The following WWP1 variants were observed in gnomAD, a reference collection of about 807,000 sequenced individuals.
WWP1 encodes WW domain containing E3 ubiquitin protein ligase 1.
In WWP1, 49 loss-of-function variants were observed where a neutral mutation model predicts 130.6. That is an observed-to-expected ratio of 0.38 (90% confidence interval 0.30 to 0.48). The LOEUF is 0.48. Ranked by LOEUF, WWP1 falls within the 20% of genes least tolerant of loss-of-function variation. The probability of loss-of-function intolerance (pLI) is 0.99; values close to 1 mark genes in which losing one functional copy is unlikely to be tolerated. For missense variants in WWP1, 809 were observed against 1,100.6 expected, an observed-to-expected ratio of 0.74 and a Z score of 3.75; for synonymous variants, 332 against 367.8, an observed-to-expected ratio of 0.90 and a Z score of 1.11.
intron 11 of WWP1, among the ~76,000 whole-genome samples, chr8:86,428,402 A>G (rs1406786678): frequency 6.6e-6 from 1 of 152,244 alleles, no homozygotes. Context: ...AACTCCTCTG[A>G]TAAATGGTGT....
At chr8:86,362,047 C>CACACATATATACACACATATATAT (rs1240846740) in intron 1 of WWP1, among the ~76,000 whole-genome samples, 2 of 90,914 alleles carry the variant, frequency 2.2e-5, no homozygotes, top group Non-Finnish European at 2.3e-5. Flanking sequence ...CATATATATA[C>CACACATATATACACACATATATAT]ACACATATAT....
At chr8:86,465,581 C>G (rs1034317570) in intron 24 of WWP1, among the ~76,000 whole-genome samples, 3 of 151,922 alleles carry the variant, frequency 2.0e-5, no homozygotes, top group African/African-American at 7.3e-5. Flanking sequence ...CGCAGTGAGC[C>G]GAGACAGTAG....
At chr8:86,352,724 C>A (rs1823011023) in intron 1 of WWP1, among the ~76,000 whole-genome samples, 1 of 152,144 alleles carries the variant, frequency 6.6e-6, no homozygotes, top group Non-Finnish European at 1.5e-5. Flanking sequence ...AGCTTAACAT[C>A]TGAACCTTCC....
chr8:86,389,720 A>T (rs911007446), intron 5 of WWP1, among the ~76,000 whole-genome samples: 2 of 151,826 alleles, frequency 1.3e-5, no homozygotes, highest in African/African-American at 4.8e-5. Flanking sequence ...CTCACTTCCC[A>T]GACGGGGCGG....
rs1809984578 is a variant in WWP1 at position 86,431,704 on chromosome 8, C to A, written c.1562C>A (p.Thr521Lys). ...VRYFVDHNTR[T>K]TTFKDPRNGK... ...TACTTTGTTGATCATAACACAAGAA[C>A]AACAACATTCAAAGATCCTCGCAAT... The change falls in exon 14 of 25, where the codon ACA (threonine) becomes AAA (lysine). Residue 521 changes from threonine (T) to lysine (K), a missense_variant. Transcript: ENST00000517970. The A allele has an allele frequency of 6.2e-7, 1 of 1,613,856 alleles. No homozygotes were observed. Among genetic ancestry groups the A allele is most frequent in the Non-Finnish European group, 8.5e-7 (1 of 1,179,888 alleles).
chr8:86,415,831 T>G (rs1045232066), intron 9 of WWP1, among the ~76,000 whole-genome samples: 41 of 152,202 alleles, frequency 2.7e-4, no homozygotes, highest in African/African-American at 9.9e-4. Flanking sequence ...ACACACAGTG[T>G]TATTATCTGT....
At chr8:86,364,142 TGAGAATGAAAA>T (rs1325483793) in intron 1 of WWP1, among the ~76,000 whole-genome samples, 4 of 152,204 alleles carry the variant, frequency 2.6e-5, no homozygotes, top group Non-Finnish European at 5.9e-5. Flanking sequence ...TTAGAATTAA[TGAGAATGAAAA>T]GAGAATTGAG....
Position 86,342,804 on chromosome 8 carries a change from TG to T in WWP1, c.-239del. The stretch of plus-strand genomic sequence containing the variant: ...TGGGCTGCCGGGGCCGACGCCTGGG[TG>T]GCTGCTGCCGCCGCGCCTGCTGCGA... On this transcript the variant is annotated 5_prime_UTR_variant, in exon 1 of 25. Transcript: ENST00000517970. 2.8e-6 allele frequency: 1 copy of T among 357,668 alleles called. No individual in the cohort carries two copies. 22.2% of individuals were successfully genotyped at this position (357,668 alleles called of 1,614,324 possible).
rs1182569609 is a variant in WWP1 at position 86,435,513 on chromosome 8, C to T, written c.1663C>T (p.Arg555Cys). 5 of 1,614,046 alleles carry T rather than the reference C, an allele frequency of 3.1e-6. No individual in the cohort carries two copies. Among genetic ancestry groups the T allele is most frequent in the Non-Finnish European group, 4.2e-6 (5 of 1,180,008 alleles). The change falls in exon 15 of 25, where the codon CGT becomes TGT. Residue 555 changes from arginine (R) to cysteine (C), a missense_variant. This residue lies in a region of WWP1 where 450 missense variants were observed against 674.2 expected (regional missense o/e 0.67). Transcript: ENST00000517970. ...CTTTAGGTGGAAGCTTGCTCACTTCCGTTATTTGTGCCAGGTACTATAGTG... is the reference window on the plus strand; with the variant it reads ...CTTTAGGTGGAAGCTTGCTCACTTCTGTTATTTGTGCCAGGTACTATAGTG... ...RGFRWKLAHF[R>C]YLCQSNALPS...
At chr8:86,425,465 C>T in intron 10 of WWP1, 147 bp downstream of exon 10, 1 of 571,592 alleles carries the variant, frequency 1.7e-6, no homozygotes, top group African/African-American at 1.9e-5. Flanking sequence ...AATGTTCAGT[C>T]AATGAGATTA....
intron 9 of WWP1, among the ~76,000 whole-genome samples, chr8:86,423,997 TCCC>T (rs1251996632): frequency 2.8e-4 from 16 of 57,238 alleles, no homozygotes; most frequent in Non-Finnish European, 4.8e-4. Flanking sequence ...GCCCCCCACC[TCCC>T]TCCCGGACGG....
intron 9 of WWP1, among the ~76,000 whole-genome samples, chr8:86,412,852 G>C (rs1345639256): frequency 6.6e-6 from 1 of 152,044 alleles, no homozygotes; most frequent in East Asian, 1.9e-4. Context: ...TTTTGGAGCA[G>C]AGTTTCATTC....
chr8:86,421,660 T>C (rs112867648), intron 9 of WWP1, among the ~76,000 whole-genome samples: 6,108 of 151,934 alleles, frequency 0.04, 176 homozygotes, highest in African/African-American at 0.069. Context: ...CCGTCTCTAC[T>C]AAAAATACAA....
intron 1 of WWP1, among the ~76,000 whole-genome samples, chr8:86,350,545 G>A (rs1822856473): frequency 6.6e-6 from 1 of 152,118 alleles, no homozygotes; most frequent in Non-Finnish European, 1.5e-5. Context: ...TTGGTAATTG[G>A]ATGTACTGAG....
Position 86,438,825 on chromosome 8 carries a change from A to G in WWP1, c.1838+152A>G, listed in dbSNP as rs200418398. On this transcript the variant is annotated intron_variant, in intron 17 of 24. Coordinates refer to ENST00000517970, the MANE Select transcript of WWP1 (RefSeq NM_007013.4). ...AAAAATACACACGGTAACCATTATTATTATTACTACTCTTGGTTATCTTTC... is the reference window on the plus strand; with the variant it reads ...AAAAATACACACGGTAACCATTATTGTTATTACTACTCTTGGTTATCTTTC... The G allele has an allele frequency of 1.6e-4, 90 of 569,292 alleles. No individual in the cohort carries two copies. The East Asian group carries it at 2.7e-3, about 17-fold the overall frequency. The allele number at this position is 569,292 out of a possible 1,614,324, so 35.3% of individuals were successfully genotyped here.
chr8:86,464,916 C>T (rs887401988), intron 24 of WWP1, among the ~76,000 whole-genome samples: 5 of 137,936 alleles, frequency 3.6e-5, no homozygotes, highest in Admixed American at 1.7e-4. Context: ...CACACATGCG[C>T]GCGCGTGTGT....
Position 86,468,287 on chromosome 8 carries a change from A to G in WWP1, c.*1394A>G. ...GTAATTATTGTTTTGCCAAAATTTT[A>G]TTTTTCTACATATTGAGAGTGTGTT... On this transcript the variant is annotated 3_prime_UTR_variant, in exon 25 of 25. Coordinates refer to ENST00000517970, the MANE Select transcript of WWP1 (RefSeq NM_007013.4). The G allele has an allele frequency of 2.5e-6, 1 of 403,072 alleles. No individual in the cohort carries two copies. Among genetic ancestry groups the G allele is most frequent in the Non-Finnish European group, 4.8e-6 (1 of 209,596 alleles). 25.0% of individuals were successfully genotyped at this position (403,072 alleles called of 1,614,324 possible).
chr8:86,383,640 G>T (rs1250468475), intron 5 of WWP1, among the ~76,000 whole-genome samples: 1 of 152,144 alleles, frequency 6.6e-6, no homozygotes, highest in Non-Finnish European at 1.5e-5. Context: ...TACTCAGGAG[G>T]CTGAGGCAGG....
At position 86,461,319 on chromosome 8, in the gene WWP1, G is replaced by A; in HGVS notation, c.2595G>A (p.Met865Ile). 6.2e-7 allele frequency: 1 copy of A among 1,612,866 alleles called. No homozygotes were observed. ...RLPLGGFAEL[M>I]GSNGPQKFCI... Reference sequence around the variant, plus strand: ...CTCTAGGAGGATTTGCTGAGCTCATGGGTAAATGTAATTTCACTGTAATTT... The same window carrying A: ...CTCTAGGAGGATTTGCTGAGCTCATAGGTAAATGTAATTTCACTGTAATTT... The change falls in exon 23 of 25, where the codon ATG becomes ATA. Residue 865 changes from methionine to isoleucine, a missense_variant and splice_region_variant. This residue lies in a region of WWP1 where 450 missense variants were observed against 674.2 expected (regional missense o/e 0.67). Transcript: ENST00000517970.
Sources: allele counts gnomAD v4.1 joint callset (sites outside exome capture counted in the v4.1 genomes callset), GRCh38; gene constraint gnomAD v4.1.1; regional missense constraint gnomAD v4.1.1; transcripts MANE v1.5; gene names NCBI Gene and HGNC (gene_info 2026-07-23, HGNC 2026-07-21).